DCC: variants seen among roughly 807,000 people sequenced by gnomAD.
DCC encodes the protein netrin receptor DCC.
A neutral mutation model predicts 172.5 loss-of-function variants in DCC; 58 were observed. That is an observed-to-expected ratio of 0.34 (90% CI 0.27 to 0.42). The LOEUF (loss-of-function observed/expected upper bound fraction) is 0.42, where lower values mean the gene tolerates loss of function less well. Ranked by LOEUF, DCC falls within the 10% of genes least tolerant of loss-of-function variation. The pLI is 1.00. For missense variants in DCC, 1,740 were observed against 1,791.0 expected (o/e 0.97, Z 0.51); for synonymous variants, 709 against 644.5 (o/e 1.10, Z -1.52).
At chr18:53,197,881 A>AAT (rs996668809) in intron 9 of DCC, among the ~76,000 whole-genome samples, 1 of 152,128 alleles carries the variant, frequency 6.6e-6, no homozygotes, top group Non-Finnish European at 1.5e-5. Flanking sequence ...AAAGTGTATT[A>AAT]ATTCATATAT....
chr18:52,926,874 TAC>T (rs2040211926), intron 5 of DCC, among the ~76,000 whole-genome samples: 1 of 145,416 alleles, frequency 6.9e-6, no homozygotes, highest in African/African-American at 2.5e-5. Context: ...TATATACATA[TAC>T]ATATATACAC....
chr18:53,087,936 G>A (rs1359485878), intron 7 of DCC, among the ~76,000 whole-genome samples: 1 of 151,860 alleles, frequency 6.6e-6, no homozygotes, highest in African/African-American at 2.4e-5. Context: ...TATTTCTGAG[G>A]CCTCTGTTCT....
chr18:53,438,032 G>C (rs990518015), intron 22 of DCC, among the ~76,000 whole-genome samples: 1 of 152,174 alleles, frequency 6.6e-6, no homozygotes, highest in African/African-American at 2.4e-5. Context: ...CATAATTGTT[G>C]TATTTTATAC....
At chr18:53,203,512 A>T (rs977492376) in intron 9 of DCC, among the ~76,000 whole-genome samples, 5 of 152,192 alleles carry the variant, frequency 3.3e-5, no homozygotes, top group Non-Finnish European at 5.9e-5. Context: ...ACATTAATAC[A>T]TGTTCTGCCA....
chr18:52,526,870 G>A (rs934509156), intron 1 of DCC, among the ~76,000 whole-genome samples: 1 of 152,126 alleles, frequency 6.6e-6, no homozygotes, highest in African/African-American at 2.4e-5. Context: ...ATAGTAAAAT[G>A]CTCTCTCTGT....
chr18:53,034,313 C>A (rs1009933872), intron 5 of DCC, among the ~76,000 whole-genome samples: 2 of 151,982 alleles, frequency 1.3e-5, no homozygotes, highest in Non-Finnish European at 2.9e-5. Flanking sequence ...TTTCTCATTT[C>A]TCTTCACAGC....
At chr18:52,407,787 T>C (rs1039934281) in intron 1 of DCC, among the ~76,000 whole-genome samples, 2 of 152,062 alleles carry the variant, frequency 1.3e-5, no homozygotes, top group Non-Finnish European at 2.9e-5. Context: ...ATTCTCTATT[T>C]CTAAGCTAGC....
intron 2 of DCC, among the ~76,000 whole-genome samples, chr18:52,779,466 C>T (rs1319990466): frequency 1.4e-5 from 1 of 69,608 alleles, no homozygotes; most frequent in Non-Finnish European, 3.3e-5. Context: ...CATCCACGTC[C>T]CTGCAAGGAC....
chr18:52,354,497 G>A (rs2163562), intron 1 of DCC, among the ~76,000 whole-genome samples: 1 of 151,860 alleles, frequency 6.6e-6, no homozygotes, highest in Non-Finnish European at 1.5e-5. Flanking sequence ...AAAACTGAAG[G>A]TTTTTTTAAC....
chr18:52,815,029 T>G (rs2038267614), intron 2 of DCC, among the ~76,000 whole-genome samples: 1 of 152,094 alleles, frequency 6.6e-6, no homozygotes, highest in Admixed American at 6.5e-5. Flanking sequence ...ATTGCAAAAG[T>G]GGGCAACAAG....
chr18:52,612,304 C>G (rs1031039677), intron 1 of DCC, among the ~76,000 whole-genome samples: 3 of 152,156 alleles, frequency 2.0e-5, no homozygotes, highest in African/African-American at 7.2e-5. Flanking sequence ...TCTCTCCCCC[C>G]ATCCCCTGCC....
intron 1 of DCC, among the ~76,000 whole-genome samples, chr18:52,667,270 T>C (rs1599002398): frequency 6.6e-6 from 1 of 152,192 alleles, no homozygotes; most frequent in East Asian, 1.9e-4. Flanking sequence ...CCCCAAATGG[T>C]AGTAGATGAT....
rs1250561345 is a variant in DCC at position 53,005,382 on chromosome 18, T to C, written c.986-57923T>C. Among the ~76,000 whole-genome samples the C allele has an allele frequency of 2.0e-5, 3 of 152,190 alleles. No individual in the cohort carries two copies. The East Asian group carries it at 5.8e-4, about 29-fold the overall frequency. On this transcript the variant is annotated intron_variant, in intron 5 of 28. Transcript: ENST00000442544. Reference sequence around the variant, plus strand: ...ATCTCCAAATTTTCCTATATGGATATTACGTCAGGTAACACACTGATAAAC... The same window carrying C: ...ATCTCCAAATTTTCCTATATGGATACTACGTCAGGTAACACACTGATAAAC...
At chr18:53,132,849 G>T (rs2043679411) in intron 7 of DCC, among the ~76,000 whole-genome samples, 1 of 152,154 alleles carries the variant, frequency 6.6e-6, no homozygotes, top group Admixed American at 6.6e-5. Flanking sequence ...TGAAAGCTAT[G>T]CCAAGAACAG....
chr18:52,426,315 G>T (rs62083538), intron 1 of DCC, among the ~76,000 whole-genome samples: 4 of 116,648 alleles, frequency 3.4e-5, no homozygotes, highest in Admixed American at 1.9e-4. Context: ...TTTTTTTTTG[G>T]CATCGCTTAC....
At chr18:52,910,771 A>G (rs2039960497) in intron 3 of DCC, among the ~76,000 whole-genome samples, 2 of 152,290 alleles carry the variant, frequency 1.3e-5, no homozygotes, top group South Asian at 4.1e-4. Context: ...TGGTAATTCA[A>G]TCTATTATTT....
chr18:53,224,926 G>C (rs1225888974), intron 12 of DCC, among the ~76,000 whole-genome samples: 3 of 152,090 alleles, frequency 2.0e-5, no homozygotes, highest in African/African-American at 7.2e-5. Context: ...TATAAATTTA[G>C]GAGTCACTGT....
At chr18:53,435,234 T>C (rs755333333) in intron 22 of DCC, 25 bp downstream of exon 22, 2 of 1,411,578 alleles carry the variant, frequency 1.4e-6, no homozygotes, top group Admixed American at 1.7e-5. Context: ...TAGGTAATAT[T>C]GAATTAGTTA....
At chr18:52,444,861 G>A (rs1988074049) in intron 1 of DCC, among the ~76,000 whole-genome samples, 1 of 152,086 alleles carries the variant, frequency 6.6e-6, no homozygotes, top group African/African-American at 2.4e-5. Context: ...CAAACCTCAA[G>A]TATGGTGAAA....
Sources: gnomAD v4.1 joint callset for allele counts (sites outside exome capture counted in the v4.1 genomes callset) on GRCh38, gnomAD v4.1.1 for gene constraint, MANE v1.5 for transcripts, NCBI Gene and HGNC (gene_info 2026-07-23, HGNC 2026-07-21) for gene names.